The following RELN variants were observed in gnomAD, a reference collection of about 807,000 sequenced individuals.
RELN encodes reelin.
A neutral mutation model predicts 427.6 loss-of-function variants in RELN; 108 were observed. The observed-to-expected ratio is 0.25, with a 90% CI of 0.22 to 0.30. The LOEUF is 0.30. Among genes scored for constraint, RELN ranks in the 10% least tolerant of loss-of-function variants. The pLI, the probability that RELN is intolerant of heterozygous loss-of-function variation, is 1.00. For synonymous variants in RELN, 1,524 were observed against 1,513.4 expected, an observed-to-expected ratio of 1.01 and a Z score of -0.16; for missense variants, 3,715 against 4,302.8, an observed-to-expected ratio of 0.86 and a Z score of 3.82.
intron 20 of RELN, among the ~76,000 whole-genome samples, chr7:103,619,821 T>C (rs1832174943): frequency 6.6e-6 from 1 of 152,104 alleles, no homozygotes; most frequent in Non-Finnish European, 1.5e-5. Flanking sequence ...CTCACAGCTC[T>C]TGTGGTGCCC....
rs1436770401 is a variant in RELN at position 103,664,266 on chromosome 7, CTA to C, written c.1290-2741_1290-2740del. 2.0e-5 allele frequency among the ~76,000 whole-genome samples: 3 copies of C among 152,162 alleles called. No homozygotes were observed. The East Asian group carries it at 5.8e-4, about 29-fold the overall frequency. On this transcript the variant is annotated intron_variant, in intron 11 of 64. Coordinates refer to ENST00000428762, the MANE Select transcript of RELN (RefSeq NM_005045.4). ...ATCTTTTTTGTTATTATTAACAATG[CTA>C]TATAAAAGGTCCTTGTGTGTTTACA...
chr7:103,650,197 A>T, intron 16 of RELN, 77 bp downstream of exon 16: 1 of 878,428 alleles, frequency 1.1e-6, no homozygotes, highest in Non-Finnish European at 2.0e-6. Context: ...AAATGTGATT[A>T]AGTCTGTGCT....
chr7:103,511,866 G>GAAAT (rs1400263795), intron 50 of RELN, among the ~76,000 whole-genome samples: 4 of 152,110 alleles, frequency 2.6e-5, no homozygotes, highest in Non-Finnish European at 5.9e-5. Context: ...TTTAAAAAAT[G>GAAAT]AAATATACAT....
chr7:103,918,737 G>T (rs1795544312), intron 1 of RELN, among the ~76,000 whole-genome samples: 1 of 152,016 alleles, frequency 6.6e-6, no homozygotes, highest in Admixed American at 6.6e-5. Context: ...ATGAATCCTA[G>T]ACTTTATACA....
Position 103,565,555 on chromosome 7 carries a change from A to C in RELN, c.4937-4T>G. 1 of 1,023,942 alleles carries C rather than the reference A, an allele frequency of 9.8e-7. No individual in the cohort carries two copies. Among genetic ancestry groups the C allele is most frequent in the Non-Finnish European group, 1.3e-6 (1 of 761,158 alleles). The allele number at this position is 1,023,942 out of a possible 1,614,324, so 63.4% of individuals were successfully genotyped here. On this transcript the variant is annotated splice_polypyrimidine_tract_variant and splice_region_variant and intron_variant, in intron 33 of 64. Transcript: ENST00000428762. ...GTCTCAGCATAACGAGGTTTTCCTG[A>C]AAAAAAAAAATGTGTAATGGTAGCA...
chr7:103,679,418 T>C (rs1055232794), intron 11 of RELN, among the ~76,000 whole-genome samples: 7 of 152,214 alleles, frequency 4.6e-5, no homozygotes, highest in Non-Finnish European at 1.0e-4. Context: ...GATAAATTAA[T>C]TGCAGAGCAA....
chr7:103,844,597 G>A (rs1342154072), intron 2 of RELN, among the ~76,000 whole-genome samples: 1 of 152,144 alleles, frequency 6.6e-6, no homozygotes, highest in African/African-American at 2.4e-5. Flanking sequence ...AGTGACTTCA[G>A]TGACTACTAG....
intron 16 of RELN, among the ~76,000 whole-genome samples, chr7:103,649,346 A>T (rs1185291530): frequency 2.6e-5 from 4 of 152,066 alleles, no homozygotes; most frequent in African/African-American, 9.7e-5. Context: ...GTTGTAGACC[A>T]CATGCTCTCA....
chr7:103,613,253 T>C (rs1832003057), intron 20 of RELN, among the ~76,000 whole-genome samples: 1 of 152,232 alleles, frequency 6.6e-6, no homozygotes, highest in Non-Finnish European at 1.5e-5. Context: ...TATCTTTGTT[T>C]TTCTGTTACT....
At chr7:103,807,286 T>A (rs1385678891) in intron 3 of RELN, among the ~76,000 whole-genome samples, 1 of 152,046 alleles carries the variant, frequency 6.6e-6, no homozygotes, top group Non-Finnish European at 1.5e-5. Flanking sequence ...AACAGATAAG[T>A]TGCAACTAAC....
chr7:103,959,918 C>T (rs12666713), intron 1 of RELN, among the ~76,000 whole-genome samples: 2 of 152,004 alleles, frequency 1.3e-5, no homozygotes, highest in Non-Finnish European at 1.5e-5. Flanking sequence ...AATCTTACCA[C>T]ATCTCACCTT....
intron 3 of RELN, among the ~76,000 whole-genome samples, chr7:103,798,204 G>T (rs1792357043): frequency 6.6e-6 from 1 of 152,160 alleles, no homozygotes; most frequent in Admixed American, 6.5e-5. Flanking sequence ...ACCAGCTACA[G>T]TCTTCTTCTG....
chr7:103,882,527 C>T (rs759113653), intron 2 of RELN, among the ~76,000 whole-genome samples: 13 of 151,604 alleles, frequency 8.6e-5, no homozygotes, highest in Non-Finnish European at 1.5e-4. Flanking sequence ...TTTTGAAAAT[C>T]TTATCAAAAT....
chr7:103,767,134 G>A (rs976486503), intron 4 of RELN, among the ~76,000 whole-genome samples: 3 of 152,206 alleles, frequency 2.0e-5, no homozygotes, highest in Admixed American at 6.5e-5. Context: ...CAACTGTGAT[G>A]TGTGCATACT....
rs1830120267 is a variant in RELN, at chr7:103,539,131, G to C, written c.7127C>G (p.Ser2376Cys). The part of the protein sequence containing the change: ...VSTDVAVNED[S>C]FLQIDFAASC... ...GGCAGCGAAGTCTATCTGTAGGAAG[G>C]AATCCTCATTCACGGCAACGTCTGT... Residue 2376 changes from serine to cysteine, a missense_variant, in exon 45 of 65, where the codon TCC becomes TGC. Transcript: ENST00000428762. 3.7e-6 allele frequency: 6 copies of C among 1,614,200 alleles called. No homozygotes were observed. Among genetic ancestry groups the C allele is most frequent in the South Asian group, 3.3e-5 (3 of 91,080 alleles).
rs1031333269 is a variant in RELN at position 103,603,050 on chromosome 7, G to C, written c.3333+254C>G. ...GGAAATGAAGGAAAGGAAAGTAATG[G>C]TATTTAAATCAGGTACAGGAGGGTA... On this transcript the variant is annotated intron_variant, in intron 24 of 64. Coordinates refer to ENST00000428762, the MANE Select transcript of RELN (RefSeq NM_005045.4). This position sits in a 1 kb window ranked among gnomAD's most constrained non-coding sequence, Gnocchi z 4.3. 6.6e-6 allele frequency among the ~76,000 whole-genome samples: 1 copy of C among 152,112 alleles called. No homozygotes were observed. The highest frequency in any genetic ancestry group is 1.5e-5 in the Non-Finnish European group (1 of 68,032).
chr7:103,732,100 C>A (rs115598813), intron 6 of RELN, among the ~76,000 whole-genome samples: 1 of 152,048 alleles, frequency 6.6e-6, no homozygotes, highest in Non-Finnish European at 1.5e-5. Flanking sequence ...TTTAGTTACA[C>A]TGAAAATTGG....
intron 1 of RELN, among the ~76,000 whole-genome samples, chr7:103,971,999 T>C (rs951882346): frequency 3.9e-5 from 6 of 152,154 alleles, no homozygotes; most frequent in Non-Finnish European, 7.4e-5. Context: ...CTTGAACTCA[T>C]GAGGTGGAGG....
At chr7:103,803,265 T>C (rs1792514099) in intron 3 of RELN, among the ~76,000 whole-genome samples, 1 of 152,148 alleles carries the variant, frequency 6.6e-6, no homozygotes, top group African/African-American at 2.4e-5. Context: ...CATTAATCTT[T>C]TGTTCACACT....
Sources: gnomAD v4.1 joint callset for allele counts (sites outside exome capture counted in the v4.1 genomes callset) on GRCh38, gnomAD v4.1.1 for gene constraint, Gnocchi (gnomAD v3.1) non-coding constraint, MANE v1.5 for transcripts, NCBI Gene and HGNC (gene_info 2026-07-23, HGNC 2026-07-21) for gene names.